The following AVIL variants were observed in gnomAD, a reference collection of about 807,000 sequenced individuals.
AVIL encodes advillin.
Under a neutral mutation model 109.9 loss-of-function variants are expected in AVIL, and 78 were observed. The ratio of observed to expected loss-of-function variants is 0.71; its 90% CI spans 0.59 to 0.86. The LOEUF is 0.86. AVIL is among the 40% of genes least tolerant of loss of function. AVIL has a pLI of 0.00. For missense variants in AVIL, 892 were observed against 1,016.5 expected (o/e 0.88, Z 1.67); for synonymous variants, 367 against 379.1 (o/e 0.97, Z 0.37).
intron 16 of AVIL, chr12:57,802,753 GT>G (rs1955876439): frequency 1.7e-6 from 1 of 588,070 alleles, no homozygotes; most frequent in African/African-American, 1.9e-5. Flanking sequence ...AAGCCTGAGA[GT>G]TTCCTAGAAA....
chr12:57,815,294 T>C (rs1051024061), intron 2 of AVIL, among the ~76,000 whole-genome samples: 1 of 152,180 alleles, frequency 6.6e-6, no homozygotes, highest in Non-Finnish European at 1.5e-5. Context: ...CTTCAAACAG[T>C]GGAAGTGACC....
At chr12:57,810,672 T>A in intron 6 of AVIL, 121 bp from the exon 7 acceptor site, 1 of 1,379,954 alleles carries the variant, frequency 7.2e-7, no homozygotes. Flanking sequence ...GAGTCCAGGG[T>A]GAGTCACAAA....
rs143618913 is a variant in AVIL, at chr12:57,813,695, C to T, written c.142-272G>A. On this transcript the variant is annotated intron_variant, in intron 3 of 19. Coordinates refer to ENST00000549994, the MANE Select transcript of AVIL (RefSeq NM_006576.4). ...ATACCAACGGGGATCTTTTCCCAGCCGGGTTGCAGGCTTACCTCACAGGTC... is the reference window on the plus strand; with the variant it reads ...ATACCAACGGGGATCTTTTCCCAGCTGGGTTGCAGGCTTACCTCACAGGTC... Among the ~76,000 whole-genome samples, 582 of 152,338 alleles carry T rather than the reference C, an allele frequency of 3.8e-3. 4 individuals carry two copies. Among genetic ancestry groups the T allele is most frequent in the African/African-American group, 0.013 (534 of 41,570 alleles).
At position 57,808,221 on chromosome 12, in the gene AVIL, C is replaced by CAT. The variant is rs763189267; in HGVS notation, c.1165_1166dup (p.Met389IlefsTer45). On this transcript the variant is annotated frameshift_variant, in exon 11 of 20. Transcript: ENST00000549994. LOFTEE classifies it high-confidence loss of function. Reference sequence around the variant, plus strand: ...CAACTTTTCCGTTGCCATCATCGACCATTCTTTCCTGGGCAGCTACCTCTG... The same window carrying CAT: ...CAACTTTTCCGTTGCCATCATCGACCATATTCTTTCCTGGGCAGCTACCTCTG... 26 of 1,614,108 alleles carry CAT rather than the reference C, an allele frequency of 1.6e-5. No individual in the cohort carries two copies. Among genetic ancestry groups the CAT allele is most frequent in the Non-Finnish European group, 2.1e-5 (25 of 1,180,054 alleles).
chr12:57,809,062 G>A (rs777095007), intron 9 of AVIL: 23 of 165,614 alleles, frequency 1.4e-4, no homozygotes, highest in Admixed American at 3.5e-4. Context: ...GTGCCGTGGC[G>A]TGATCTCGGC....
intron 7 of AVIL, 40 bp from the exon 8 acceptor site, chr12:57,809,930 T>C: frequency 6.3e-7 from 1 of 1,598,050 alleles, no homozygotes; most frequent in Non-Finnish European, 8.6e-7. Context: ...TTTTCCTCTA[T>C]AAAGCATCTT....
chr12:57,806,687 G>T, intron 13 of AVIL, 148 bp from the exon 14 acceptor site: 1 of 786,164 alleles, frequency 1.3e-6, no homozygotes, highest in Non-Finnish European at 2.0e-6. Flanking sequence ...GGGTAAGCTG[G>T]AGTTATGTCA....
Position 57,801,159 on chromosome 12 carries a change from G to C in AVIL, c.2205C>G (p.Ile735Met). 1 of 1,613,696 alleles carries C rather than the reference G, an allele frequency of 6.2e-7. No individual in the cohort carries two copies. The highest frequency in any genetic ancestry group is 8.5e-7 in the Non-Finnish European group (1 of 1,179,834). The change falls in exon 18 of 20, where the codon ATC (isoleucine) becomes ATG (methionine). Residue 735 changes from isoleucine (I) to methionine (M), a missense_variant. Transcript: ENST00000549994. Reference sequence around the variant, plus strand: ...CCCGACTCACAGCAGTGATTCGCATGATAGCAGCAGCATCTCCCAGCTCTT... The same window carrying C: ...CCCGACTCACAGCAGTGATTCGCATCATAGCAGCAGCATCTCCCAGCTCTT... ...LKEELGDAAA[I>M]MRITADMKNA... is the part of the protein sequence containing the mutation.
At chr12:57,799,705 G>A (rs1955807278) in intron 19 of AVIL, 90 bp downstream of exon 19, 1 of 1,559,996 alleles carries the variant, frequency 6.4e-7, no homozygotes, top group Admixed American at 1.7e-5. Flanking sequence ...GCTACAATGT[G>A]CCGGAGCTGT....
At position 57,799,781 on chromosome 12, in the gene AVIL, C is replaced by T. The variant is rs749263051; in HGVS notation, c.2346+14G>A. ...GCTCCACTTCCAACAGACACAGTTC[C>T]TTCAGCCACTCACCTCCTTTTTGGC... On this transcript the variant is annotated intron_variant, in intron 19 of 19. Coordinates refer to ENST00000549994, the MANE Select transcript of AVIL (RefSeq NM_006576.4). 305 of 1,613,490 alleles carry T rather than the reference C, an allele frequency of 1.9e-4. No homozygotes were observed. Among genetic ancestry groups the T allele is most frequent in the Non-Finnish European group, 2.3e-4 (271 of 1,179,996 alleles).
At chr12:57,798,806 G>A (rs1469215542) in intron 19 of AVIL, among the ~76,000 whole-genome samples, 1 of 151,762 alleles carries the variant, frequency 6.6e-6, no homozygotes, top group Non-Finnish European at 1.5e-5. Flanking sequence ...TAGTACAGAC[G>A]GGGTTTCACC....
Position 57,808,174 on chromosome 12 carries a change from A to AT in AVIL, c.1194+19dup. 1 of 1,612,008 alleles carries AT rather than the reference A, an allele frequency of 6.2e-7. No homozygotes were observed. The highest frequency in any genetic ancestry group is 8.5e-7 in the Non-Finnish European group (1 of 1,178,052). ...GAAGGCCAGTGCTGTCTGCCCTGAC[A>AT]TTTGAATCATTGGGCTTACCTCAAC... On this transcript the variant is annotated intron_variant, in intron 11 of 19. Transcript: ENST00000549994.
intron 1 of AVIL, among the ~76,000 whole-genome samples, chr12:57,818,276 A>T (rs984572413): frequency 8.2e-5 from 12 of 146,292 alleles, no homozygotes; most frequent in African/African-American, 2.8e-4. Context: ...CTGGGCTCAA[A>T]CAATCCTCAT....
Position 57,808,525 on chromosome 12 carries a change from G to A in AVIL, c.963C>T (p.Tyr321=), listed in dbSNP as rs1272935390. 1.9e-6 allele frequency: 3 copies of A among 1,614,118 alleles called. No homozygotes were observed. Among genetic ancestry groups the A allele is most frequent in the Admixed American group, 3.3e-5 (2 of 60,024 alleles). The change falls in exon 10 of 20, where the codon TAC becomes TAT. Residue 321 remains tyrosine, a synonymous_variant. Coordinates refer to ENST00000549994, the MANE Select transcript of AVIL (RefSeq NM_006576.4). ...KALGFIKMKS[Y]PSSTNVETVN... is the part of the protein sequence containing the mutation. ...CGGTCTCCACATTGGTGCTGCTGGG[G>A]TAGCTCTTCATCTTGATGAAGCCCT...
chr12:57,810,255 C>A, intron 7 of AVIL, 94 bp downstream of exon 7: 1 of 1,386,350 alleles, frequency 7.2e-7, no homozygotes. Context: ...ATGGCTACAC[C>A]CAAAACAAGG....
rs145662274 is a variant in AVIL at position 57,803,264 on chromosome 12, G to A, written c.1945C>T (p.Leu649=). ...TGTCTTACCTGGTCCCAGGTATCTA[G>A]GAGCATCACGTCAGTAGGGTTCAGG... ...DDLNPTDVML[L]DTWDQVFLWI... The change falls in exon 16 of 20, where the codon CTA becomes TTA. Residue 649 remains leucine (L), a synonymous_variant. Coordinates refer to ENST00000549994, the MANE Select transcript of AVIL (RefSeq NM_006576.4). 3.3e-4 allele frequency: 536 copies of A among 1,614,040 alleles called. 1 individual carries two copies. Among genetic ancestry groups the A allele is most frequent in the South Asian group, 7.0e-4 (64 of 91,074 alleles).
intron 9 of AVIL, among the ~76,000 whole-genome samples, 161 bp downstream of exon 9, chr12:57,809,436 A>G (rs527975411): frequency 6.6e-6 from 1 of 152,350 alleles, no homozygotes; most frequent in African/African-American, 2.4e-5. Context: ...GGAAAAGACA[A>G]AACCTGGATT....
chr12:57,797,699 G>T lies in AVIL; in HGVS notation c.*183C>A. 1 of 719,528 alleles carries T rather than the reference G, an allele frequency of 1.4e-6. No homozygotes were observed. Among genetic ancestry groups the T allele is most frequent in the Non-Finnish European group, 1.9e-6 (1 of 529,750 alleles). The allele number at this position is 719,528 out of a possible 1,614,324, so 44.6% of individuals were successfully genotyped here. A position where few individuals can be genotyped will look rare whatever the true frequency, so the allele number is the denominator to read the frequency against. On this transcript the variant is annotated 3_prime_UTR_variant, in exon 20 of 20. Transcript: ENST00000549994. ...AAAAACTATATGGTTAACATTTTAG[G>T]TATATAACAAGCAAGGAATGCAAGG...
At chr12:57,810,037 A>G (rs1956014423) in intron 7 of AVIL, 147 bp from the exon 8 acceptor site, 2 of 816,578 alleles carry the variant, frequency 2.4e-6, no homozygotes, top group Admixed American at 4.5e-5. Context: ...GAGGACAGGA[A>G]TGTGCAGACT....
Sources: gnomAD v4.1 joint callset for allele counts (sites outside exome capture counted in the v4.1 genomes callset) on GRCh38, gnomAD v4.1.1 for gene constraint, MANE v1.5 for transcripts, NCBI Gene and HGNC (gene_info 2026-07-23, HGNC 2026-07-21) for gene names.